Variants in APBA3 observed in about 807,000 individuals in gnomAD.
APBA3 encodes the protein amyloid beta precursor protein binding family A member 3.
Under a neutral mutation model 55.9 loss-of-function variants are expected in APBA3, and 45 were observed. That is an observed-to-expected ratio of 0.80 (90% confidence interval 0.63 to 1.03). APBA3 has a LOEUF of 1.03. APBA3 is among the 50% of genes least tolerant of loss of function. APBA3 has a pLI of 0.00. For synonymous variants in APBA3, 370 were observed against 353.3 expected, an observed-to-expected ratio of 1.05 and a Z score of -0.53; for missense variants, 865 against 820.3, an observed-to-expected ratio of 1.05 and a Z score of -0.67.
intron 6 of APBA3, chr19:3,753,339 A>AGAGTCTTG (rs887751090): frequency 8.1e-5 from 33 of 408,742 alleles, no homozygotes; most frequent in African/African-American, 5.7e-4. Context: ...GAGTCGGCCG[A>AGAGTCTTG]GAGTCTTGGA....
intron 8 of APBA3, 198 bp from the exon 9 acceptor site, chr19:3,751,751 A>G (rs1012571653): frequency 3.7e-5 from 23 of 626,258 alleles, no homozygotes; most frequent in Non-Finnish European, 5.2e-5. Flanking sequence ...GACCCGAGCC[A>G]TATCGCTTCC....
chr19:3,760,347 G>T, intron 1 of APBA3, 46 bp from the exon 2 acceptor site: 2 of 1,283,394 alleles, frequency 1.6e-6, no homozygotes, highest in Non-Finnish European at 2.1e-6. Context: ...GGGTGCAGTG[G>T]CTCATGCCTG....
chr19:3,755,134 G>A (rs2037061654), intron 3 of APBA3: 1 of 152,204 alleles, frequency 6.6e-6, no homozygotes, highest in Non-Finnish European at 1.5e-5. Context: ...CCGGGTTGTA[G>A]AACCACTCAG....
Position 3,753,771 on chromosome 19 carries a change from C to T in APBA3, c.1005G>A (p.Ala335=), listed in dbSNP as rs3746120. 0.37 allele frequency: 570,589 copies of T among 1,531,446 alleles called. 108,101 individuals are homozygous for T. Among genetic ancestry groups the T allele is most frequent in the East Asian group, 0.49 (21,204 of 42,940 alleles). 94.9% of individuals were successfully genotyped at this position (1,531,446 alleles called of 1,614,324 possible). A position where few individuals can be genotyped will look rare whatever the true frequency, so the allele number is the denominator to read the frequency against. ...CCGCGCCCTGGCTGCTCACGTCCTCCGCGTAGAATACGTGGCAGAGCATCT... is the reference window on the plus strand; with the variant it reads ...CCGCGCCCTGGCTGCTCACGTCCTCTGCGTAGAATACGTGGCAGAGCATCT... ...LYKMLCHVFY[A]EDAQLIAQAI... Residue 335 remains alanine (A), a synonymous_variant, in exon 6 of 11, where the codon GCG becomes GCA. Coordinates refer to ENST00000316757, the MANE Select transcript of APBA3 (RefSeq NM_004886.4).
chr19:3,754,364 CG>C, intron 3 of APBA3, 24 bp from the exon 4 acceptor site: 1 of 1,546,490 alleles, frequency 6.5e-7, no homozygotes. Flanking sequence ...CGAAGAGGGT[CG>C]GCCCCCAGGG....
Position 3,752,670 on chromosome 19 carries a change from C to A in APBA3, c.1233G>T (p.Glu411Asp). Residue 411 changes from glutamate (E) to aspartate (D), a missense_variant, in exon 8 of 11, where the codon GAG (glutamate) becomes GAT (aspartate). By Grantham distance (45) the Glu-to-Asp change is conservative. Transcript: ENST00000316757. ...TGGGCAGCAGGGAGCCCCAGCCCGA[C>A]TCCACCAGGGCCACGCCCAGGCCCT... is the stretch of plus-strand genomic sequence containing the variant. Reference protein sequence around the residue: ...RGEGLGVALVESGWGSLLPTA... With the variant: ...RGEGLGVALVDSGWGSLLPTA... 1 of 1,593,142 alleles carries A rather than the reference C, an allele frequency of 6.3e-7. No homozygotes were observed.
At position 3,760,231 on chromosome 19, in the gene APBA3, C is replaced by T. The variant is rs2037128918; in HGVS notation, c.34G>A (p.Gly12Arg). 2 of 1,607,288 alleles carry T rather than the reference C, an allele frequency of 1.2e-6. No homozygotes were observed. Among genetic ancestry groups the T allele is most frequent in the African/African-American group, 1.3e-5 (1 of 74,844 alleles). ...CCCTCCAAGTCCATGGCTGGAGGCC[C>T]CGAAGGGGATCGGGAAATTGTGGGG... The part of the protein sequence containing the change: ...DFPTISRSPS[G>R]PPAMDLEGPR... Residue 12 changes from glycine (G) to arginine (R), a missense_variant, in exon 2 of 11, where the codon GGG (glycine) becomes AGG (arginine). By Grantham distance (125) the Gly-to-Arg change is moderately radical. Transcript: ENST00000316757.
rs201231407 is a variant in APBA3 at position 3,754,232 on chromosome 19, C to T, written c.725G>A (p.Arg242His). Residue 242 changes from arginine to histidine, a missense_variant, in exon 4 of 11, where the codon CGC becomes CAC. Arg to His is a conservative substitution (Grantham distance 29). Coordinates refer to ENST00000316757, the MANE Select transcript of APBA3 (RefSeq NM_004886.4). ...VSERNPPTST[R>H]MAQAREAMDR... The stretch of plus-strand genomic sequence containing the variant: ...CATGGCCTCCCGGGCCTGGGCCATG[C>T]GCGTGCTGGTGGGCGGGTTCCGTTC... 32 of 1,544,238 alleles carry T rather than the reference C, an allele frequency of 2.1e-5. No individual in the cohort carries two copies. The highest frequency in any genetic ancestry group is 7.2e-5 in the South Asian group (6 of 83,582).
chr19:3,754,479 C>T (rs2037052820), intron 3 of APBA3, 139 bp from the exon 4 acceptor site: 5 of 1,191,816 alleles, frequency 4.2e-6, no homozygotes, highest in Admixed American at 5.9e-5. Flanking sequence ...GAAGCACAGC[C>T]CACTGTTCTA....
Position 3,754,281 on chromosome 19 carries a change from G to C in APBA3, c.676C>G (p.Leu226Val), listed in dbSNP as rs1405851318. The C allele has an allele frequency of 2.6e-6, 4 of 1,551,592 alleles. No individual in the cohort carries two copies. The highest frequency in any genetic ancestry group is 2.4e-5 in the South Asian group (2 of 84,054). ...LDGVIFGARY[L>V]GSTQLVSERN... ...TCCGACACCAGCTGGGTGGACCCCA[G>C]GTACCTGGCCCCAAATATGACACCG... is the stretch of plus-strand genomic sequence containing the variant. Residue 226 changes from leucine to valine, a missense_variant, in exon 4 of 11, where the codon CTG (leucine) becomes GTG (valine). Coordinates refer to ENST00000316757, the MANE Select transcript of APBA3 (RefSeq NM_004886.4).
rs927646074 is a variant in APBA3, at chr19:3,751,115, A to G, written c.1657-18T>C. On this transcript the variant is annotated intron_variant, in intron 10 of 10. Transcript: ENST00000316757. The stretch of plus-strand genomic sequence containing the variant: ...ATATGCACCTGGGGAGTGGAGGCGG[A>G]ACGGGGCTCAGGGCAGGCCTGGGCT... The G allele has an allele frequency of 1.3e-6, 2 of 1,563,684 alleles. No individual in the cohort carries two copies. The highest frequency in any genetic ancestry group is 1.7e-6 in the Non-Finnish European group (2 of 1,153,854).
chr19:3,755,436 A>G (rs930522460), intron 3 of APBA3: 1 of 151,890 alleles, frequency 6.6e-6, no homozygotes, highest in African/African-American at 2.4e-5. Flanking sequence ...GGAACAAACA[A>G]TTCTGTTCCA....
chr19:3,751,416 C>G lies in APBA3; in HGVS notation c.1515+18G>C. 1 of 1,519,734 alleles carries G rather than the reference C, an allele frequency of 6.6e-7. No homozygotes were observed. Among genetic ancestry groups the G allele is most frequent in the Non-Finnish European group, 8.8e-7 (1 of 1,137,260 alleles). 94.1% of individuals were successfully genotyped at this position (1,519,734 alleles called of 1,614,324 possible). On this transcript the variant is annotated intron_variant, in intron 9 of 10. Coordinates refer to ENST00000316757, the MANE Select transcript of APBA3 (RefSeq NM_004886.4). Reference sequence around the variant, plus strand: ...CCGCCCTACCCCCCCACCCCGGGGCCAGGGGCCGGGGCCTCACGATGCCGT... The same window carrying G: ...CCGCCCTACCCCCCCACCCCGGGGCGAGGGGCCGGGGCCTCACGATGCCGT...
At chr19:3,759,024 C>T (rs1250324013) in intron 3 of APBA3, among the ~76,000 whole-genome samples, 1 of 151,852 alleles carries the variant, frequency 6.6e-6, no homozygotes, top group Non-Finnish European at 1.5e-5. Context: ...GAGTTTGAAA[C>T]CAGCTTGGGC....
intron 7 of APBA3, 43 bp downstream of exon 7, chr19:3,752,777 G>T: frequency 6.2e-7 from 1 of 1,610,050 alleles, no homozygotes; most frequent in African/African-American, 1.3e-5. Context: ...AGGTGCACGG[G>T]TGTGGGGGGC....
In APBA3 at chr19:3,754,306, G is replaced by A. The variant is rs767223943; in HGVS notation, c.651C>T (p.Asp217=). 4.5e-6 allele frequency: 7 copies of A among 1,557,132 alleles called. No individual in the cohort carries two copies. In the Admixed American group the frequency reaches 6.0e-5, roughly 13 times the overall value. Residue 217 remains aspartate, a synonymous_variant, in exon 4 of 11, where the codon GAC becomes GAT. Transcript: ENST00000316757. ...GGTACCTGGCCCCAAATATGACACCGTCCAGGAGGTCTTCATGGTCACAGG... is the reference window on the plus strand; with the variant it reads ...GGTACCTGGCCCCAAATATGACACCATCCAGGAGGTCTTCATGGTCACAGG... ...PGPCDHEDLL[D]GVIFGARYLG...
chr19:3,752,576 G>A lies in APBA3; in HGVS notation c.1327C>T (p.Arg443Cys), dbSNP rs572722701. Residue 443 changes from arginine (R) to cysteine (C), a missense_variant, in exon 8 of 11, where the codon CGC (arginine) becomes TGC (cysteine). By Grantham distance (180) the Arg-to-Cys change is radical. Transcript: ENST00000316757. Reference protein sequence around the residue: ...ERSGALSIGDRLTAINGTSLV... With the variant: ...ERSGALSIGDCLTAINGTSLV... ...CTGGTCCCGTTGATGGCGGTCAGGC[G>A]GTCCCCGATGCTGAGGGCCCCCGAG... is the stretch of plus-strand genomic sequence containing the variant. The A allele has an allele frequency of 1.8e-5, 28 of 1,587,594 alleles. No homozygotes were observed. The South Asian group carries it at 2.5e-4, about 14-fold the overall frequency.
chr19:3,756,874 G>C (rs1480999688), intron 3 of APBA3, among the ~76,000 whole-genome samples: 2 of 152,126 alleles, frequency 1.3e-5, no homozygotes. Flanking sequence ...GCTCTGCCCA[G>C]GGTTATAGAA....
At chr19:3,752,443 G>A in intron 8 of APBA3, 65 bp downstream of exon 8, 1 of 1,415,798 alleles carries the variant, frequency 7.1e-7, no homozygotes, top group Non-Finnish European at 9.5e-7. Flanking sequence ...CCAGGGAGGA[G>A]ACCTCTCTGG....
Sources: allele counts gnomAD v4.1 joint callset (sites outside exome capture counted in the v4.1 genomes callset), GRCh38; gene constraint gnomAD v4.1.1; transcripts MANE v1.5; gene names NCBI Gene and HGNC (gene_info 2026-07-23, HGNC 2026-07-21).